The following NLRP3 variants were observed in gnomAD, a reference collection of about 807,000 sequenced individuals.
NLRP3 encodes the protein NACHT, LRR and PYD domains-containing protein 3.
NLRP3 carries 48 observed loss-of-function variants against 91.3 expected under a neutral mutation model. The ratio of observed to expected loss-of-function variants is 0.53; its 90% CI spans 0.42 to 0.67. NLRP3 has a LOEUF of 0.67. Ranked by LOEUF, NLRP3 falls within the 30% of genes least tolerant of loss-of-function variation. The probability of loss-of-function intolerance (pLI) is 0.00; values close to 1 mark genes in which losing one functional copy is unlikely to be tolerated. For synonymous variants in NLRP3, 561 were observed against 507.9 expected (o/e 1.10, Z -1.41); for missense variants, 982 against 1,276.9 (o/e 0.77, Z 3.52).
intron 2 of NLRP3, among the ~76,000 whole-genome samples, chr1:247,422,424 A>G (rs1662531809): frequency 6.6e-6 from 1 of 151,254 alleles, no homozygotes; most frequent in South Asian, 2.1e-4. Context: ...ATTCCTGCCC[A>G]CCTGAAGTTA....
intron 7 of NLRP3, among the ~76,000 whole-genome samples, chr1:247,441,122 TC>T (rs1164685262): frequency 2.8e-4 from 23 of 82,788 alleles, no homozygotes; most frequent in Admixed American, 6.1e-4. Context: ...TCTCTCTTTT[TC>T]TTTTTCTCTT....
At chr1:247,438,550 A>ATC (rs1410202682) in intron 7 of NLRP3, among the ~76,000 whole-genome samples, 1 of 151,816 alleles carries the variant, frequency 6.6e-6, no homozygotes, top group Non-Finnish European at 1.5e-5. Flanking sequence ...TGCCTGGCTA[A>ATC]TTTTTGTATT....
chr1:247,436,233 G>A, intron 7 of NLRP3, 93 bp downstream of exon 7: 1 of 1,262,616 alleles, frequency 7.9e-7, no homozygotes, highest in Non-Finnish European at 1.1e-6. Context: ...TGGTCAGGCA[G>A]AGCTGAAGGT....
In NLRP3 at chr1:247,429,691, G is replaced by T; in HGVS notation, c.2257G>T (p.Asp753Tyr). 1 of 1,614,114 alleles carries T rather than the reference G, an allele frequency of 6.2e-7. No homozygotes were observed. The highest frequency in any genetic ancestry group is 2.2e-5 in the East Asian group (1 of 44,868). Reference sequence around the variant, plus strand: ...GGACCTCAGTGACAATTCTCTGGGGGACCCAGGGATGAGAGTGTTGTGTGA... The same window carrying T: ...GGACCTCAGTGACAATTCTCTGGGGTACCCAGGGATGAGAGTGTTGTGTGA... ...ELDLSDNSLG[D>Y]PGMRVLCETL... The change falls in exon 5 of 10, where the codon GAC becomes TAC. Residue 753 changes from aspartate (D) to tyrosine (Y), a missense_variant. Physicochemically the swap from Asp to Tyr is radical, Grantham distance 160 (BLOSUM62 -3). Around this residue, in one of 5 missense-constraint regions of NLRP3, gnomAD observed 373 missense variants for 431.5 expected, o/e 0.86. Coordinates refer to ENST00000336119, the MANE Select transcript of NLRP3 (RefSeq NM_001243133.2).
chr1:247,424,361 G>A lies in NLRP3; in HGVS notation c.912G>A (p.Glu304=). Residue 304 remains glutamate, a synonymous_variant, in exon 4 of 10, where the codon GAG becomes GAA. Coordinates refer to ENST00000336119, the MANE Select transcript of NLRP3 (RefSeq NM_001243133.2). The surrounding 1 kb of genome is among the most constrained non-coding windows in gnomAD (Gnocchi z 8.1). Reference sequence around the variant, plus strand: ...TCTTCCTCATGGACGGCTTCGATGAGCTGCAAGGTGCCTTTGACGAGCACA... The same window carrying A: ...TCTTCCTCATGGACGGCTTCGATGAACTGCAAGGTGCCTTTGACGAGCACA... ...RILFLMDGFD[E]LQGAFDEHIG... 1 of 1,614,056 alleles carries A rather than the reference G, an allele frequency of 6.2e-7. No homozygotes were observed. The highest frequency in any genetic ancestry group is 8.5e-7 in the Non-Finnish European group (1 of 1,180,024).
chr1:247,429,957 C>T (rs1036985022), intron 5 of NLRP3, among the ~76,000 whole-genome samples: 1 of 152,160 alleles, frequency 6.6e-6, no homozygotes, highest in Non-Finnish European at 1.5e-5. Context: ...TCACTGCAAT[C>T]TCTGCCTCCT....
intron 5 of NLRP3, among the ~76,000 whole-genome samples, chr1:247,433,114 G>T (rs1047845516): frequency 2.0e-5 from 3 of 152,114 alleles, no homozygotes; most frequent in Non-Finnish European, 4.4e-5. Flanking sequence ...GGCTGAGGCA[G>T]GTGGATCCCT....
chr1:247,442,151 TCTTA>T (rs1239833442), intron 7 of NLRP3, among the ~76,000 whole-genome samples: 1 of 152,248 alleles, frequency 6.6e-6, no homozygotes, highest in African/African-American at 2.4e-5. Flanking sequence ...TGCCTATTAG[TCTTA>T]CTTACTGTGT....
intron 7 of NLRP3, among the ~76,000 whole-genome samples, chr1:247,440,889 A>G (rs1664163699): frequency 6.6e-6 from 1 of 152,040 alleles, no homozygotes; most frequent in Non-Finnish European, 1.5e-5. Flanking sequence ...CTATCCATCT[A>G]AGAAGCTCCT....
In NLRP3 at chr1:247,425,641, G is replaced by A. The variant is rs374729265; in HGVS notation, c.2150+42G>A. ...TCCAGGTGCTTCCTCCTGCTTCCTC[G>A]CCAGCTTCTTCTTGGCGCTTGCCTC... On this transcript the variant is annotated intron_variant, in intron 4 of 9. Transcript: ENST00000336119. The surrounding 1 kb of genome is among the most constrained non-coding windows in gnomAD (Gnocchi z 4.1). 1.1e-5 allele frequency: 18 copies of A among 1,582,602 alleles called. No homozygotes were observed. Among genetic ancestry groups the A allele is most frequent in the East Asian group, 4.5e-5 (2 of 44,796 alleles).
chr1:247,445,799 T>C (rs1363324603), intron 9 of NLRP3, among the ~76,000 whole-genome samples: 1 of 152,198 alleles, frequency 6.6e-6, no homozygotes, highest in Admixed American at 6.5e-5. Flanking sequence ...TTCTTCATCA[T>C]CCTGACCCTT....
chr1:247,432,335 G>A (rs1230266779), intron 5 of NLRP3, among the ~76,000 whole-genome samples: 2 of 132,090 alleles, frequency 1.5e-5, no homozygotes, highest in Non-Finnish European at 3.0e-5. Context: ...CCACTTGTAA[G>A]TGAGAACGTG....
Position 247,424,107 on chromosome 1 carries a change from G to A in NLRP3, c.658G>A (p.Val220Met). 1.2e-6 allele frequency: 2 copies of A among 1,614,116 alleles called. No individual in the cohort carries two copies. The highest frequency in any genetic ancestry group is 2.2e-5 in the South Asian group (2 of 91,064). The change falls in exon 4 of 10, where the codon GTG (valine) becomes ATG (methionine). Residue 220 changes from valine to methionine, a missense_variant. This residue lies in a region of NLRP3 where 548 missense variants were observed against 713.7 expected (regional missense o/e 0.77). Coordinates refer to ENST00000336119, the MANE Select transcript of NLRP3 (RefSeq NM_001243133.2). This position sits in a 1 kb window ranked among gnomAD's most constrained non-coding sequence, Gnocchi z 8.1. ...DDEHSEPVHTVVFQGAAGIGK... is the reference protein window; with the variant it reads ...DDEHSEPVHTMVFQGAAGIGK... ...TGAGCATTCTGAGCCTGTGCACACC[G>A]TGGTGTTCCAGGGGGCGGCAGGGAT...
chr1:247,438,965 T>C (rs539565184), intron 7 of NLRP3, among the ~76,000 whole-genome samples: 1 of 152,248 alleles, frequency 6.6e-6, no homozygotes, highest in Admixed American at 6.5e-5. Flanking sequence ...AATCCATTCA[T>C]CTGTCCATCC....
In NLRP3 at chr1:247,444,833, C is replaced by T; in HGVS notation, c.3005+12C>T. ...CTGCAGAACCTGGGGTGAGTGTGCTCTGCAGAGATGCCCGTGGTGGGACTC... is the reference window on the plus strand; with the variant it reads ...CTGCAGAACCTGGGGTGAGTGTGCTTTGCAGAGATGCCCGTGGTGGGACTC... On this transcript the variant is annotated intron_variant, in intron 9 of 9. Transcript: ENST00000336119. 1.2e-6 allele frequency: 2 copies of T among 1,613,284 alleles called. No homozygotes were observed. Among genetic ancestry groups the T allele is most frequent in the Non-Finnish European group, 1.7e-6 (2 of 1,179,814 alleles).
At chr1:247,422,721 C>T (rs927036968) in intron 2 of NLRP3, among the ~76,000 whole-genome samples, 10 of 152,134 alleles carry the variant, frequency 6.6e-5, no homozygotes, top group African/African-American at 2.4e-4. Context: ...CTAGATTAGG[C>T]ACGAAATAGA....
intron 7 of NLRP3, among the ~76,000 whole-genome samples, chr1:247,436,484 G>C (rs1005202020): frequency 1.3e-5 from 2 of 152,070 alleles, no homozygotes; most frequent in African/African-American, 4.8e-5. Context: ...GCAAGTTATC[G>C]CATAGTGCAT....
intron 7 of NLRP3, 193 bp from the exon 8 acceptor site, chr1:247,443,779 C>T (rs898322270): frequency 9.5e-6 from 6 of 631,176 alleles, no homozygotes; most frequent in Admixed American, 2.3e-5. Flanking sequence ...TCTGCTGAGA[C>T]ATCATTTGTG....
At chr1:247,431,652 A>G (rs1214134991) in intron 5 of NLRP3, among the ~76,000 whole-genome samples, 2 of 152,164 alleles carry the variant, frequency 1.3e-5, no homozygotes, top group Non-Finnish European at 2.9e-5. Flanking sequence ...GCACTGAATG[A>G]ATGTTGGCTC....
Sources: allele counts gnomAD v4.1 joint callset (sites outside exome capture counted in the v4.1 genomes callset), GRCh38; gene constraint gnomAD v4.1.1; regional missense constraint gnomAD v4.1.1; non-coding constraint Gnocchi (gnomAD v3.1); transcripts MANE v1.5; gene names NCBI Gene and HGNC (gene_info 2026-07-23, HGNC 2026-07-21).